The following SGCD variants were observed in gnomAD, a reference collection of about 807,000 sequenced individuals.
SGCD encodes delta-sarcoglycan.
SGCD carries 18 observed loss-of-function variants against 36.6 expected under a neutral mutation model. The ratio of observed to expected loss-of-function variants is 0.49; its 90% CI spans 0.34 to 0.73. The LOEUF (loss-of-function observed/expected upper bound fraction) is 0.73, where lower values mean the gene tolerates loss of function less well. Among genes scored for constraint, SGCD ranks in the 30% least tolerant of loss-of-function variants. The pLI is 0.01. For synonymous variants in SGCD, 133 were observed against 130.6 expected (o/e 1.02, Z -0.12); for missense variants, 387 against 346.7 (o/e 1.12, Z -0.92).
At chr5:156,623,909 A>G (rs1762347400) in intron 6 of SGCD, among the ~76,000 whole-genome samples, 2 of 152,176 alleles carry the variant, frequency 1.3e-5, no homozygotes, top group African/African-American at 4.8e-5. Flanking sequence ...GTCCCAGCAC[A>G]AGAGCCTAAG....
chr5:156,217,439 C>A (rs1187857129), intron 3 of SGCD, among the ~76,000 whole-genome samples: 1 of 152,074 alleles, frequency 6.6e-6, no homozygotes, highest in Non-Finnish European at 1.5e-5. Flanking sequence ...CTAAGGTAAC[C>A]ATCAAATCAT....
intron 3 of SGCD, among the ~76,000 whole-genome samples, chr5:156,493,692 G>A (rs1425832906): frequency 1.3e-5 from 2 of 152,136 alleles, no homozygotes; most frequent in African/African-American, 4.8e-5. Context: ...TGGTCTCTCA[G>A]TATTTAATGA....
chr5:156,542,278 A>G (rs962014870), intron 4 of SGCD, among the ~76,000 whole-genome samples: 14 of 152,132 alleles, frequency 9.2e-5, no homozygotes, highest in Admixed American at 9.2e-4. Context: ...TTATTTGGAC[A>G]AAGCACACTA....
intron 3 of SGCD, among the ~76,000 whole-genome samples, chr5:156,154,706 T>G (rs527592717): frequency 6.6e-6 from 1 of 151,842 alleles, no homozygotes. Context: ...GGTAAAGTAG[T>G]TGGACTGTTT....
intron 3 of SGCD, among the ~76,000 whole-genome samples, chr5:156,280,318 TAG>T (rs1766420995): frequency 1.3e-5 from 2 of 152,188 alleles, no homozygotes; most frequent in Non-Finnish European, 1.5e-5. Flanking sequence ...TGGAAACCCA[TAG>T]AGAGTGTCTG....
At chr5:156,476,981 A>G (rs531815757) in intron 3 of SGCD, among the ~76,000 whole-genome samples, 4 of 152,064 alleles carry the variant, frequency 2.6e-5, no homozygotes, top group Non-Finnish European at 5.9e-5. Flanking sequence ...GGAACTCACA[A>G]TATCCTTGAA....
At chr5:155,728,827 T>C in the SGCD span, among the ~76,000 whole-genome samples, 1 of 152,192 alleles carries the variant, frequency 6.6e-6, no homozygotes, top group Non-Finnish European at 1.5e-5. Flanking sequence ...GCGCGCCCTC[T>C]GCCAACTCGC....
chr5:156,233,732 A>C (rs1765080315), intron 3 of SGCD, among the ~76,000 whole-genome samples: 1 of 152,166 alleles, frequency 6.6e-6, no homozygotes, highest in Non-Finnish European at 1.5e-5. Flanking sequence ...TTAAAAAAGC[A>C]GCTAGAGCCA....
chr5:156,442,209 C>T (rs191691363), intron 3 of SGCD, among the ~76,000 whole-genome samples: 143 of 152,290 alleles, frequency 9.4e-4, no homozygotes, highest in Non-Finnish European at 1.8e-3. Flanking sequence ...TCTTTATTCT[C>T]TGAGCTGATG....
intron 1 of SGCD, among the ~76,000 whole-genome samples, chr5:156,025,605 A>C (rs1046189517): frequency 2.0e-5 from 3 of 152,212 alleles, no homozygotes; most frequent in Non-Finnish European, 4.4e-5. Context: ...CTATGGGCCT[A>C]TTTTGATAAA....
rs1383777891 is a variant in SGCD, at chr5:156,475,998, T to A, written c.193-32603T>A. On this transcript the variant is annotated intron_variant, in intron 3 of 8. Transcript: ENST00000337851. ...GAGAAATCAGGGAGGGAGGCAATTG[T>A]CTGCTTTGTTTTGACTTGCCGTGGC... Among the ~76,000 whole-genome samples, 5 of 152,230 alleles carry A rather than the reference T, an allele frequency of 3.3e-5. No individual in the cohort carries two copies. In the South Asian group the frequency reaches 1.0e-3, roughly 31 times the overall value.
chr5:156,398,916 A>C (rs542438057), intron 3 of SGCD, among the ~76,000 whole-genome samples: 3 of 152,300 alleles, frequency 2.0e-5, no homozygotes, highest in African/African-American at 7.2e-5. Context: ...CCAGTTCCTC[A>C]GTCATCCTAG....
At chr5:156,137,337 A>G (rs1762483695) in intron 3 of SGCD, among the ~76,000 whole-genome samples, 1 of 152,242 alleles carries the variant, frequency 6.6e-6, no homozygotes, top group African/African-American at 2.4e-5. Context: ...AGACCTGCAT[A>G]TAAAAGTGTC....
At chr5:155,884,384 G>T (rs1340670291) in intron 1 of SGCD, among the ~76,000 whole-genome samples, 2 of 152,174 alleles carry the variant, frequency 1.3e-5, no homozygotes. Flanking sequence ...TCTCTGCCAC[G>T]ATGCCTGGGA....
At chr5:156,231,393 G>T (rs946044469) in intron 3 of SGCD, among the ~76,000 whole-genome samples, 4 of 151,980 alleles carry the variant, frequency 2.6e-5, no homozygotes, top group African/African-American at 9.7e-5. Context: ...AAAATTAGCC[G>T]GGCATGGTGG....
intron 3 of SGCD, among the ~76,000 whole-genome samples, chr5:156,399,443 G>A (rs1250433309): frequency 2.0e-5 from 3 of 152,176 alleles, no homozygotes; most frequent in East Asian, 3.8e-4. Context: ...AAAGATCAGA[G>A]GACCTAAGAG....
chr5:155,993,825 G>A (rs961395042), intron 1 of SGCD, among the ~76,000 whole-genome samples: 1 of 152,180 alleles, frequency 6.6e-6, no homozygotes, highest in African/African-American at 2.4e-5. Flanking sequence ...CAGAGAACAA[G>A]GCAGAAGTGC....
chr5:155,988,047 G>GAAAA (rs1758364076), intron 1 of SGCD, among the ~76,000 whole-genome samples: 1 of 152,196 alleles, frequency 6.6e-6, no homozygotes, highest in African/African-American at 2.4e-5. Context: ...AGGCTCAGAA[G>GAAAA]AAAGTTAAGT....
At chr5:156,450,290 A>G (rs773496646) in intron 3 of SGCD, among the ~76,000 whole-genome samples, 2 of 151,994 alleles carry the variant, frequency 1.3e-5, no homozygotes, top group African/African-American at 2.4e-5. Flanking sequence ...ATCAATGGGA[A>G]CCTAGGTGCA....
Sources: allele counts gnomAD v4.1 joint callset (sites outside exome capture counted in the v4.1 genomes callset), GRCh38; gene constraint gnomAD v4.1.1; transcripts MANE v1.5; gene names NCBI Gene and HGNC (gene_info 2026-07-23, HGNC 2026-07-21).